TTC19: variants seen among roughly 807,000 people sequenced by gnomAD.
TTC19 encodes the protein tetratricopeptide repeat protein 19, mitochondrial.
In TTC19, 38 loss-of-function variants were observed where a neutral mutation model predicts 49.5. That is an observed-to-expected ratio of 0.77 (90% CI 0.59 to 1.01). TTC19 has a LOEUF of 1.01. TTC19 is among the 50% of genes least tolerant of loss of function. The pLI is 0.00. For missense variants in TTC19, 475 were observed against 477.7 expected, an observed-to-expected ratio of 0.99 and a Z score of 0.05; for synonymous variants, 204 against 185.2, an observed-to-expected ratio of 1.10 and a Z score of -0.83.
chr17:16,012,192 G>C (rs1283806664), intron 7 of TTC19, among the ~76,000 whole-genome samples: 2 of 151,928 alleles, frequency 1.3e-5, no homozygotes, highest in Non-Finnish European at 2.9e-5. Flanking sequence ...TTTGTATAAA[G>C]AATTTATGAG....
rs748391790 is a variant in TTC19, at chr17:16,000,795, T to G, written c.312+550T>G. ...TGCTACTGACATGCCATTTGCACTT[T>G]AGGACCATACCTACCTCTCAGATTT... On this transcript the variant is annotated intron_variant, in intron 2 of 9. Transcript: ENST00000261647. Among the ~76,000 whole-genome samples, 3 of 152,218 alleles carry G rather than the reference T, an allele frequency of 2.0e-5. No homozygotes were observed. The East Asian group carries it at 5.8e-4, about 29-fold the overall frequency.
In TTC19 at chr17:16,003,994, G is replaced by A. The variant is rs28663172; in HGVS notation, c.519+107G>A. 2.3e-3 allele frequency: 2,895 copies of A among 1,284,926 alleles called. 47 individuals carry two copies. In the African/African-American group the frequency reaches 0.036, roughly 16 times the overall value. 79.6% of individuals were successfully genotyped at this position (1,284,926 alleles called of 1,614,324 possible). On this transcript the variant is annotated intron_variant, in intron 5 of 9. Transcript: ENST00000261647. ...ACCACATGCTTTGGTCAGGAAAGGT[G>A]GAGTTTCCCTTCTGAGATCTCTATA...
rs58517927 is a variant in TTC19, at chr17:16,004,254, G to A, written c.573G>A (p.Ala191=). The A allele has an allele frequency of 6.2e-3, 9,949 of 1,614,054 alleles. 488 individuals carry two copies. The African/African-American group carries it at 0.11, about 18-fold the overall frequency. ...TAAAGCTGGCCAGTATCTATGCTGC[G>A]CAGAACAGGTAAGTACAGCAGCCAG... The part of the protein sequence containing the change: ...ISLKLASIYA[A]QNRQEFAVAG... The change falls in exon 6 of 10, where the codon GCG becomes GCA. Residue 191 remains alanine (A), a synonymous_variant. Transcript: ENST00000261647.
intron 7 of TTC19, among the ~76,000 whole-genome samples, chr17:16,015,675 TTAC>T (rs899991756): frequency 6.6e-6 from 1 of 152,180 alleles, no homozygotes; most frequent in Non-Finnish European, 1.5e-5. Flanking sequence ...GTTCTGCCAC[TTAC>T]TAGCAGTGGA....
intron 7 of TTC19, among the ~76,000 whole-genome samples, chr17:16,008,313 C>T (rs1239987761): frequency 2.0e-5 from 3 of 152,174 alleles, no homozygotes. Flanking sequence ...CTCAGTTTTG[C>T]CGCTCACAAC....
At chr17:16,044,926 C>G (rs2058405987) in exon 3 of TTC19, 2 of 653,994 alleles carry the variant, frequency 3.1e-6, no homozygotes, top group Non-Finnish European at 5.5e-6. Context: ...TCTGAGGAGT[C>G]TGATGATGAC....
chr17:16,028,701 T>C lies in TTC19; in HGVS notation c.*1179T>C, dbSNP rs1174762392. ...TGTTGGTATGCCTGTGGGGGTGGGATGTGAGTGGGACTGATAAACTGATAC... is the reference window on the plus strand; with the variant it reads ...TGTTGGTATGCCTGTGGGGGTGGGACGTGAGTGGGACTGATAAACTGATAC... On this transcript the variant is annotated 3_prime_UTR_variant, in exon 10 of 10. Coordinates refer to ENST00000261647, the MANE Select transcript of TTC19 (RefSeq NM_017775.4). The C allele has an allele frequency of 2.0e-5, 9 of 453,614 alleles. No homozygotes were observed. Among genetic ancestry groups the C allele is most frequent in the South Asian group, 1.2e-4 (8 of 64,462 alleles). 28.1% of individuals were successfully genotyped at this position (453,614 alleles called of 1,614,324 possible).
intron 2 of TTC19, among the ~76,000 whole-genome samples, chr17:16,039,028 C>A (rs2057034691): frequency 6.6e-6 from 1 of 152,370 alleles, no homozygotes; most frequent in East Asian, 1.9e-4. Context: ...CTCCGCCCCC[C>A]AAAGTGCTGG....
Position 16,001,778 on chromosome 17 carries a change from T to C in TTC19, c.313-137T>C, listed in dbSNP as rs1202733753. 5 of 693,688 alleles carry C rather than the reference T, an allele frequency of 7.2e-6. No individual in the cohort carries two copies. In the Admixed American group the frequency reaches 8.2e-5, roughly 11 times the overall value. 43.0% of individuals were successfully genotyped at this position (693,688 alleles called of 1,614,324 possible). On this transcript the variant is annotated intron_variant, in intron 2 of 9. Transcript: ENST00000261647. Reference sequence around the variant, plus strand: ...TCTGTAGACAATGCTTTGTACATAGTAGGAATTCAGTAAATGTCTGATGAA... The same window carrying C: ...TCTGTAGACAATGCTTTGTACATAGCAGGAATTCAGTAAATGTCTGATGAA...
At chr17:16,040,894 A>AAAT (rs1567655264) in intron 2 of TTC19, 33 of 184,578 alleles carry the variant, frequency 1.8e-4, no homozygotes, top group Non-Finnish European at 3.2e-4. Flanking sequence ...AATAAATAAA[A>AAAT]AAAGAAGCAG....
downstream of TTC19, chr17:16,032,254 G>T: frequency 6.6e-7 from 1 of 1,518,690 alleles, no homozygotes; most frequent in South Asian, 1.3e-5. Context: ...ACAAAAACTA[G>T]AGATCCCTCT....
At chr17:16,038,619 T>C (rs1313634295) in intron 2 of TTC19, among the ~76,000 whole-genome samples, 1 of 152,130 alleles carries the variant, frequency 6.6e-6, no homozygotes, top group Non-Finnish European at 1.5e-5. Context: ...GTAATTTTTG[T>C]AGAGACGGGG....
In TTC19 at chr17:16,034,978, A is replaced by G. The variant is rs1248337657; in HGVS notation, c.247+8276A>G. On this transcript the variant is annotated intron_variant, in intron 2 of 2. Transcript: ENST00000470649. ...GAAATTCAAGTTAAAGTATTAATATATTAAGTTCTCAAAAATTACCAAAAT... is the reference window on the plus strand; with the variant it reads ...GAAATTCAAGTTAAAGTATTAATATGTTAAGTTCTCAAAAATTACCAAAAT... The G allele has an allele frequency of 1.0e-5, 16 of 1,592,592 alleles. No homozygotes were observed. In the East Asian group the frequency reaches 3.4e-4, roughly 33 times the overall value.
intron 7 of TTC19, among the ~76,000 whole-genome samples, chr17:16,011,759 T>C (rs1029166710): frequency 6.6e-6 from 1 of 152,260 alleles, no homozygotes; most frequent in Non-Finnish European, 1.5e-5. Flanking sequence ...CCAAATTACA[T>C]AATCCCTGTG....
At chr17:16,022,015 G>A (rs1004022482) in intron 7 of TTC19, among the ~76,000 whole-genome samples, 4 of 152,120 alleles carry the variant, frequency 2.6e-5, no homozygotes, top group Non-Finnish European at 5.9e-5. Flanking sequence ...GTCTCCCTGT[G>A]CCTGTGGTCG....
intron 7 of TTC19, among the ~76,000 whole-genome samples, chr17:16,020,754 C>T (rs1309238169): frequency 6.6e-6 from 1 of 152,086 alleles, no homozygotes; most frequent in Non-Finnish European, 1.5e-5. Context: ...CTCACTGCAA[C>T]CTTAAACTCC....
intron 2 of TTC19, chr17:16,040,671 C>G (rs1430466704): frequency 1.5e-6 from 1 of 645,190 alleles, no homozygotes. Flanking sequence ...GAGACAGGGT[C>G]TCACTCTGTT....
chr17:16,019,148 C>G (rs979712782), intron 7 of TTC19, among the ~76,000 whole-genome samples: 6 of 152,110 alleles, frequency 3.9e-5, no homozygotes, highest in Non-Finnish European at 8.8e-5. Flanking sequence ...GCCTGGCCAA[C>G]ATGGCGAAAC....
chr17:16,039,837 C>A (rs2057219968), intron 2 of TTC19: 2 of 569,534 alleles, frequency 3.5e-6, no homozygotes, highest in Non-Finnish European at 6.2e-6. Flanking sequence ...CGCACCCAGG[C>A]TGGAGTGCAG....
Sources: allele counts gnomAD v4.1 joint callset (sites outside exome capture counted in the v4.1 genomes callset), GRCh38; gene constraint gnomAD v4.1.1; transcripts MANE v1.5; gene names NCBI Gene and HGNC (gene_info 2026-07-23, HGNC 2026-07-21).